TDRD7: variants seen among roughly 807,000 people sequenced by gnomAD.
TDRD7 encodes tudor domain containing 7.
TDRD7 carries 47 observed loss-of-function variants against 109.8 expected under a neutral mutation model. The ratio of observed to expected loss-of-function variants is 0.43; its 90% CI spans 0.34 to 0.55. The LOEUF (loss-of-function observed/expected upper bound fraction) is 0.55. Among genes scored for constraint, TDRD7 ranks in the 20% least tolerant of loss-of-function variants. The pLI is 0.03. For missense variants in TDRD7, 1,164 were observed against 1,319.2 expected (o/e 0.88, Z 1.82); for synonymous variants, 424 against 457.3 (o/e 0.93, Z 0.93).
At chr9:97,441,916 T>G in intron 6 of TDRD7, 41 bp downstream of exon 6, 1 of 1,536,366 alleles carries the variant, frequency 6.5e-7, no homozygotes, top group Non-Finnish European at 9.0e-7. Flanking sequence ...ACCTCCTCCC[T>G]GCCCAACTTT....
intron 6 of TDRD7, among the ~76,000 whole-genome samples, chr9:97,454,422 A>G (rs1828564991): frequency 6.6e-6 from 1 of 152,214 alleles, no homozygotes; most frequent in Non-Finnish European, 1.5e-5. Flanking sequence ...CAGAGCTTGC[A>G]GTGAGCCGAG....
intron 7 of TDRD7, among the ~76,000 whole-genome samples, chr9:97,461,650 T>C (rs1437733994): frequency 6.6e-6 from 1 of 152,196 alleles, no homozygotes; most frequent in African/African-American, 2.4e-5. Flanking sequence ...GTGGAAAATA[T>C]AGAAAGACTA....
rs375749908 is a variant in TDRD7 at position 97,422,194 on chromosome 9, A to G, written c.-6-6266A>G. ...GATCACTTGAGGTCAGGAGTTTGAG[A>G]CCAGCCTAGCCAACATGGCAAAACC... On this transcript the variant is annotated intron_variant, in intron 1 of 16. Transcript: ENST00000355295. Among the ~76,000 whole-genome samples, 9 of 152,242 alleles carry G rather than the reference A, an allele frequency of 5.9e-5. No individual in the cohort carries two copies. In the South Asian group the frequency reaches 1.5e-3, roughly 25 times the overall value.
At chr9:97,413,354 G>A (rs895550604) in intron 1 of TDRD7, among the ~76,000 whole-genome samples, 2 of 152,182 alleles carry the variant, frequency 1.3e-5, no homozygotes, top group Non-Finnish European at 2.9e-5. Flanking sequence ...GTGTGATCTT[G>A]AACAAATTAC....
intron 12 of TDRD7, among the ~76,000 whole-genome samples, chr9:97,478,007 G>A (rs900265419): frequency 7.2e-5 from 11 of 152,018 alleles, no homozygotes; most frequent in South Asian, 2.1e-4. Flanking sequence ...ACCTGTAATC[G>A]TAGCACTTGG....
intron 5 of TDRD7, among the ~76,000 whole-genome samples, chr9:97,441,252 C>G (rs985882999): frequency 6.6e-6 from 1 of 152,012 alleles, no homozygotes; most frequent in African/African-American, 2.4e-5. Flanking sequence ...GGAATTATTC[C>G]TATGTTCTGT....
Position 97,441,962 on chromosome 9 carries a change from C to T in TDRD7, c.855+87C>T. 3 of 1,120,798 alleles carry T rather than the reference C, an allele frequency of 2.7e-6. No individual in the cohort carries two copies. In the South Asian group the frequency reaches 3.7e-5, roughly 14 times the overall value. The allele number at this position is 1,120,798 out of a possible 1,614,324, so 69.4% of individuals were successfully genotyped here. A position where few individuals can be genotyped will look rare whatever the true frequency, so the allele number is the denominator to read the frequency against. ...GTTATTAGTCATATCACCTTTTATC[C>T]CCAGAAGACAAAGCACTTTACATAT... On this transcript the variant is annotated intron_variant, in intron 6 of 16. Transcript: ENST00000355295.
In TDRD7 at chr9:97,454,436, G is replaced by A. The variant is rs528158126; in HGVS notation, c.856-5742G>A. On this transcript the variant is annotated intron_variant, in intron 6 of 16. Coordinates refer to ENST00000355295, the MANE Select transcript of TDRD7 (RefSeq NM_014290.3). The stretch of plus-strand genomic sequence containing the variant: ...GCAGAGCTTGCAGTGAGCCGAGATC[G>A]TGCCACTGCACTCCAGCCTGGGGGA... Among the ~76,000 whole-genome samples, 177 of 152,300 alleles carry A rather than the reference G, an allele frequency of 1.2e-3. 1 individual carries two copies. The highest frequency in any genetic ancestry group is 3.5e-3 in the Admixed American group (53 of 15,304).
intron 6 of TDRD7, among the ~76,000 whole-genome samples, chr9:97,458,469 C>T (rs186352458): frequency 2.0e-5 from 3 of 152,244 alleles, no homozygotes; most frequent in East Asian, 1.9e-4. Flanking sequence ...GTAGACTAAC[C>T]ATCAAGAGAA....
intron 1 of TDRD7, among the ~76,000 whole-genome samples, chr9:97,425,317 T>G (rs1827969126): frequency 6.6e-6 from 1 of 152,210 alleles, no homozygotes; most frequent in Non-Finnish European, 1.5e-5. Flanking sequence ...GACTGCATAA[T>G]CATTTGTCCT....
In TDRD7 at chr9:97,483,438, C is replaced by T. The variant is rs183655672; in HGVS notation, c.2915+87C>T. ...AGTCTTAATCTTGGCGGGGGGACTTCGAACTGTACTAATGGGAATTTTGAA... is the reference window on the plus strand; with the variant it reads ...AGTCTTAATCTTGGCGGGGGGACTTTGAACTGTACTAATGGGAATTTTGAA... On this transcript the variant is annotated intron_variant, in intron 15 of 16. Transcript: ENST00000355295. The T allele has an allele frequency of 1.3e-4, 188 of 1,487,004 alleles. No homozygotes were observed. In the East Asian group the frequency reaches 3.8e-3, roughly 30 times the overall value. 92.1% of individuals were successfully genotyped at this position (1,487,004 alleles called of 1,614,324 possible). A position where few individuals can be genotyped will look rare whatever the true frequency, so the allele number is the denominator to read the frequency against.
intron 1 of TDRD7, among the ~76,000 whole-genome samples, chr9:97,414,869 G>T (rs180717758): frequency 1.4e-4 from 21 of 152,236 alleles, no homozygotes; most frequent in African/African-American, 4.8e-4. Flanking sequence ...CATTTATTGG[G>T]TAAAGATCTT....
In TDRD7 at chr9:97,428,630, T is replaced by C. The variant is rs1343906963; in HGVS notation, c.165T>C (p.Ser55=). 6.2e-7 allele frequency: 1 copy of C among 1,613,956 alleles called. No homozygotes were observed. Among genetic ancestry groups the C allele is most frequent in the Non-Finnish European group, 8.5e-7 (1 of 1,179,930 alleles). The change falls in exon 2 of 17, where the codon AGT becomes AGC. Residue 55 remains serine (S), a synonymous_variant. Transcript: ENST00000355295. ...GFPTLEAYLR[S]VPAVVRIETS... is the part of the protein sequence containing the mutation. ...CTACACTAGAAGCCTATCTGAGAAGTGTGCCAGCAGTGGTCAGGATAGAGA... is the reference window on the plus strand; with the variant it reads ...CTACACTAGAAGCCTATCTGAGAAGCGTGCCAGCAGTGGTCAGGATAGAGA...
intron 6 of TDRD7, among the ~76,000 whole-genome samples, chr9:97,451,246 T>C (rs1393179755): frequency 6.6e-6 from 1 of 152,098 alleles, no homozygotes; most frequent in Non-Finnish European, 1.5e-5. Flanking sequence ...ATTGGTATTT[T>C]TTTGTAATAT....
chr9:97,429,788 A>G (rs1369110200), intron 2 of TDRD7, among the ~76,000 whole-genome samples: 1 of 152,120 alleles, frequency 6.6e-6, no homozygotes, highest in African/African-American at 2.4e-5. Flanking sequence ...CCATAAGTTT[A>G]TTAAGGATGA....
rs150634982 is a variant in TDRD7 at position 97,436,615 on chromosome 9, G to C, written c.564-2630G>C. 7.8e-3 allele frequency among the ~76,000 whole-genome samples: 1,193 copies of C among 152,036 alleles called. 14 individuals carry two copies. Among genetic ancestry groups the C allele is most frequent in the African/African-American group, 0.028 (1,141 of 41,486 alleles). On this transcript the variant is annotated intron_variant, in intron 4 of 16. Transcript: ENST00000355295. ...TTTTACTATGTGACTTCTGCTTTTA[G>C]GTATTATGTTTAGAAAAGCATTTCC...
intron 7 of TDRD7, among the ~76,000 whole-genome samples, chr9:97,462,570 AG>A (rs1218254382): frequency 6.6e-6 from 1 of 152,184 alleles, no homozygotes; most frequent in African/African-American, 2.4e-5. Flanking sequence ...TAGGGCCTGG[AG>A]GGTACTATGG....
At chr9:97,458,188 C>A (rs1463671611) in intron 6 of TDRD7, among the ~76,000 whole-genome samples, 1 of 152,072 alleles carries the variant, frequency 6.6e-6, no homozygotes, top group Non-Finnish European at 1.5e-5. Context: ...TGTATAAGTA[C>A]ACACTATGAT....
intron 15 of TDRD7, among the ~76,000 whole-genome samples, chr9:97,485,857 A>G (rs759218833): frequency 3.3e-5 from 5 of 152,332 alleles, no homozygotes; most frequent in Middle Eastern, 3.4e-3. Context: ...AAACTCATGT[A>G]CATACTATGT....
Sources: allele counts gnomAD v4.1 joint callset (sites outside exome capture counted in the v4.1 genomes callset), GRCh38; gene constraint gnomAD v4.1.1; transcripts MANE v1.5; gene names NCBI Gene and HGNC (gene_info 2026-07-23, HGNC 2026-07-21).